CDYL2: variants seen among roughly 807,000 people sequenced by gnomAD.
CDYL2 encodes the protein chromodomain Y-like protein 2.
In CDYL2, 23 loss-of-function variants were observed where a neutral mutation model predicts 49.4. The observed-to-expected ratio is 0.47, with a 90% CI of 0.34 to 0.66. CDYL2 has a LOEUF of 0.66. Among genes scored for constraint, CDYL2 ranks in the 30% least tolerant of loss-of-function variants. CDYL2 has a pLI of 0.01. For missense variants in CDYL2, 678 were observed against 656.4 expected (o/e 1.03, Z -0.36); for synonymous variants, 360 against 268.8 (o/e 1.34, Z -3.32).
intron 1 of CDYL2, among the ~76,000 whole-genome samples, chr16:80,791,845 T>A (rs1907620228): frequency 6.6e-6 from 1 of 152,112 alleles, no homozygotes; most frequent in Non-Finnish European, 1.5e-5. Context: ...AAAATGGACA[T>A]TGTTGAAAGA....
chr16:80,769,942 C>T (rs977647362), intron 1 of CDYL2, among the ~76,000 whole-genome samples: 41 of 152,216 alleles, frequency 2.7e-4, no homozygotes, highest in African/African-American at 9.6e-4. Context: ...GAGGACTACA[C>T]AACTTTAAAA....
intron 1 of CDYL2, among the ~76,000 whole-genome samples, chr16:80,748,265 G>T (rs746226305): frequency 6.8e-6 from 1 of 147,796 alleles, no homozygotes; most frequent in South Asian, 2.2e-4. Context: ...GCTGGCTCAC[G>T]CCTGTAATCC....
At chr16:80,790,258 T>C (rs1425399024) in intron 1 of CDYL2, among the ~76,000 whole-genome samples, 2 of 152,232 alleles carry the variant, frequency 1.3e-5, no homozygotes, top group Admixed American at 6.5e-5. Flanking sequence ...GCCAATACCA[T>C]AGACGTGGCT....
In CDYL2 at chr16:80,603,972, A is replaced by G. The variant is rs1377167657; in HGVS notation, c.*416T>C. ...AAGATTGGTCGTCCTCTGACACCCG[A>G]TCTAAATACAACCAGAGAGAGCCAT... On this transcript the variant is annotated 3_prime_UTR_variant, in exon 7 of 7. Coordinates refer to ENST00000570137, the MANE Select transcript of CDYL2 (RefSeq NM_152342.4). The G allele has an allele frequency of 5.8e-6, 1 of 173,872 alleles. No individual in the cohort carries two copies. Among genetic ancestry groups the G allele is most frequent in the African/African-American group, 2.4e-5 (1 of 42,234 alleles). The allele number at this position is 173,872 out of a possible 1,614,324, so 10.8% of individuals were successfully genotyped here. A position where few individuals can be genotyped will look rare whatever the true frequency, so the allele number is the denominator to read the frequency against.
At chr16:80,627,690 A>G (rs1477228144) in intron 3 of CDYL2, 1 of 152,234 alleles carries the variant, frequency 6.6e-6, no homozygotes, top group Non-Finnish European at 1.5e-5. Flanking sequence ...CTTAAACAGA[A>G]TATACTGTAT....
chr16:80,632,979 A>G (rs1335728379), intron 3 of CDYL2, 40 bp downstream of exon 3: 1 of 1,582,784 alleles, frequency 6.3e-7, no homozygotes, highest in Non-Finnish European at 8.7e-7. Flanking sequence ...AGAAGGAGCC[A>G]CAGCCCAGCT....
intron 1 of CDYL2, among the ~76,000 whole-genome samples, chr16:80,793,699 C>A (rs947702974): frequency 2.7e-4 from 41 of 152,162 alleles, no homozygotes; most frequent in African/African-American, 8.0e-4. Context: ...AGCAATAGAA[C>A]CATTTCCCTA....
At chr16:80,678,781 T>A (rs1026073216) in intron 2 of CDYL2, among the ~76,000 whole-genome samples, 1 of 151,258 alleles carries the variant, frequency 6.6e-6, no homozygotes, top group African/African-American at 2.4e-5. Flanking sequence ...CAAAGGACTA[T>A]AAATCATGCT....
rs1907038518 is a variant in CDYL2, at chr16:80,620,668, G to C, written c.1007+95C>G. 1.7e-5 allele frequency: 20 copies of C among 1,180,836 alleles called. No homozygotes were observed. The South Asian group carries it at 3.8e-4, about 23-fold the overall frequency. 73.1% of individuals were successfully genotyped at this position (1,180,836 alleles called of 1,614,324 possible). On this transcript the variant is annotated intron_variant, in intron 4 of 6. Transcript: ENST00000570137. Reference sequence around the variant, plus strand: ...TACTTATGCTAAAAATAAAATTCCTGGTTGTTTGAAATTCGAATTTAACTG... The same window carrying C: ...TACTTATGCTAAAAATAAAATTCCTCGTTGTTTGAAATTCGAATTTAACTG...
chr16:80,724,247 A>T (rs553789810), intron 1 of CDYL2, among the ~76,000 whole-genome samples: 1 of 150,016 alleles, frequency 6.7e-6, no homozygotes, highest in Admixed American at 6.6e-5. Context: ...AAGAGGAAGA[A>T]GATGAGGAGA....
intron 2 of CDYL2, among the ~76,000 whole-genome samples, chr16:80,658,932 G>A (rs1908921574): frequency 6.6e-6 from 1 of 152,198 alleles, no homozygotes; most frequent in South Asian, 2.1e-4. Context: ...AAGGCAGCTT[G>A]AAGGGGCTCC....
intron 1 of CDYL2, among the ~76,000 whole-genome samples, chr16:80,802,319 T>G (rs1345101780): frequency 2.0e-5 from 3 of 152,194 alleles, no homozygotes; most frequent in Admixed American, 6.5e-5. Context: ...CAACCTCAAT[T>G]CGTAGAAAAC....
chr16:80,687,059 G>C (rs1278766957), intron 1 of CDYL2, among the ~76,000 whole-genome samples: 1 of 152,226 alleles, frequency 6.6e-6, no homozygotes, highest in African/African-American at 2.4e-5. Context: ...AGAACGCCAA[G>C]GATTTCTGGA....
intron 2 of CDYL2, among the ~76,000 whole-genome samples, chr16:80,663,247 C>G (rs897848722): frequency 6.6e-6 from 1 of 151,280 alleles, no homozygotes; most frequent in African/African-American, 2.4e-5. Context: ...GGGAGTTCAG[C>G]TTGAGCACTT....
At chr16:80,739,505 G>C (rs867615827) in intron 1 of CDYL2, among the ~76,000 whole-genome samples, 5 of 152,188 alleles carry the variant, frequency 3.3e-5, no homozygotes, top group South Asian at 2.1e-4. Context: ...GGAGAAATTT[G>C]GAGGTGTCAT....
intron 1 of CDYL2, among the ~76,000 whole-genome samples, chr16:80,760,543 C>A (rs138375884): frequency 6.1e-4 from 92 of 151,876 alleles, no homozygotes; most frequent in African/African-American, 2.2e-3. Context: ...CCCCATTGTC[C>A]ATGATGTAAT....
chr16:80,744,040 A>G (rs1315555664), intron 1 of CDYL2, among the ~76,000 whole-genome samples: 2 of 96,980 alleles, frequency 2.1e-5, no homozygotes. Context: ...TCATTTATTC[A>G]CCCATTTAAT....
chr16:80,729,885 G>A (rs1387188784), intron 1 of CDYL2, among the ~76,000 whole-genome samples: 1 of 152,192 alleles, frequency 6.6e-6, no homozygotes, highest in South Asian at 2.1e-4. Flanking sequence ...CAGAAATAAA[G>A]ATGTTCTTTG....
rs188583604 is a variant in CDYL2, at chr16:80,699,121, A to C, written c.25-13992T>G. Among the ~76,000 whole-genome samples the C allele has an allele frequency of 5.9e-5, 9 of 152,316 alleles. No individual in the cohort carries two copies. In the East Asian group the frequency reaches 1.7e-3, roughly 29 times the overall value. On this transcript the variant is annotated intron_variant, in intron 1 of 6. Coordinates refer to ENST00000570137, the MANE Select transcript of CDYL2 (RefSeq NM_152342.4). ...AGGAGGTTCCTCAAAAAAACTAAAA[A>C]TTTAATATCATATGATTCAATAACC...
Sources: allele counts gnomAD v4.1 joint callset (sites outside exome capture counted in the v4.1 genomes callset), GRCh38; gene constraint gnomAD v4.1.1; transcripts MANE v1.5; gene names NCBI Gene and HGNC (gene_info 2026-07-23, HGNC 2026-07-21).